The following BRINP3 variants were observed in gnomAD, a reference collection of about 807,000 sequenced individuals.
BRINP3 encodes BMP/retinoic acid inducible neural specific 3.
BRINP3 carries 19 observed loss-of-function variants against 71.0 expected under a neutral mutation model. The observed-to-expected ratio is 0.27, with a 90% CI of 0.19 to 0.39. The LOEUF is 0.39. BRINP3 is among the 10% of genes least tolerant of loss of function. BRINP3 has a pLI of 1.00. For missense variants in BRINP3, 959 were observed against 940.8 expected (o/e 1.02, Z -0.25); for synonymous variants, 380 against 337.7 (o/e 1.13, Z -1.37).
Position 190,294,315 on chromosome 1 carries a change from G to A in BRINP3, c.237-12565C>T, listed in dbSNP as rs111950338. On this transcript the variant is annotated intron_variant, in intron 2 of 7. Coordinates refer to ENST00000367462, the MANE Select transcript of BRINP3 (RefSeq NM_199051.3). ...ACTCTGTTGCCTAGACTAGTCTGCA[G>A]TTGCACAATCATGGCTCACTGCAGA... 3.5e-3 allele frequency among the ~76,000 whole-genome samples: 531 copies of A among 150,070 alleles called. 5 individuals are homozygous for A. Among genetic ancestry groups the A allele is most frequent in the African/African-American group, 0.012 (494 of 40,750 alleles).
At chr1:190,226,352 C>A in intron 5 of BRINP3, 34 bp from the exon 6 acceptor site, 7 of 1,305,586 alleles carry the variant, frequency 5.4e-6, no homozygotes, top group South Asian at 1.5e-5. Context: ...AACAAATTTA[C>A]TTTGTTAAAG....
intron 6 of BRINP3, among the ~76,000 whole-genome samples, 189 bp from the exon 7 acceptor site, chr1:190,161,079 T>TTCTTTTTAGATGCTTTAGAATTAC (rs1558022037): frequency 6.6e-6 from 1 of 151,918 alleles, no homozygotes; most frequent in African/African-American, 2.4e-5. Context: ...TTTAGAATTA[T>TTCTTTTTAGATGCTTTAGAATTAC]CTTCTTTGCT....
chr1:190,342,382 A>AAC (rs950392748), intron 2 of BRINP3: 1 of 151,106 alleles, frequency 6.6e-6, no homozygotes, highest in Non-Finnish European at 1.5e-5. Context: ...GTGCAAAAAA[A>AAC]AAAAAAAAAA....
chr1:190,290,436 G>A (rs556085698), intron 2 of BRINP3, among the ~76,000 whole-genome samples: 1 of 152,204 alleles, frequency 6.6e-6, no homozygotes, highest in African/African-American at 2.4e-5. Context: ...GAAGCACATT[G>A]ATATAGACAA....
intron 5 of BRINP3, among the ~76,000 whole-genome samples, chr1:190,231,640 A>C (rs951516449): frequency 2.0e-5 from 3 of 151,866 alleles, no homozygotes; most frequent in African/African-American, 7.2e-5. Context: ...TGCATTTGCC[A>C]ATATTTTCTT....
intron 2 of BRINP3, among the ~76,000 whole-genome samples, chr1:190,291,505 G>C (rs955919730): frequency 6.6e-6 from 1 of 152,002 alleles, no homozygotes; most frequent in Non-Finnish European, 1.5e-5. Context: ...GACCTGAATA[G>C]ATATTTCTCA....
chr1:190,382,933 C>A (rs1261878717), intron 2 of BRINP3, among the ~76,000 whole-genome samples: 2 of 152,022 alleles, frequency 1.3e-5, no homozygotes, highest in Non-Finnish European at 2.9e-5. Flanking sequence ...AGATCCAGCC[C>A]CATTCAAAAT....
intron 2 of BRINP3, among the ~76,000 whole-genome samples, chr1:190,328,734 AAAAT>A (rs1666772511): frequency 6.6e-6 from 1 of 151,814 alleles, no homozygotes; most frequent in South Asian, 2.1e-4. Flanking sequence ...AAAAAAAAAA[AAAAT>A]ACAGGCCAAT....
chr1:190,360,750 C>T (rs1191144289), intron 2 of BRINP3, among the ~76,000 whole-genome samples: 2 of 151,952 alleles, frequency 1.3e-5, no homozygotes, highest in Non-Finnish European at 2.9e-5. Flanking sequence ...TGTGTTTTTC[C>T]TGTTCTCAAA....
At chr1:190,384,950 C>G (rs570524525) in intron 2 of BRINP3, among the ~76,000 whole-genome samples, 1 of 151,614 alleles carries the variant, frequency 6.6e-6, no homozygotes, top group Non-Finnish European at 1.5e-5. Context: ...ACAAACCTGA[C>G]AAAAACAAGG....
At chr1:190,295,086 A>T (rs1664150010) in intron 2 of BRINP3, among the ~76,000 whole-genome samples, 1 of 152,032 alleles carries the variant, frequency 6.6e-6, no homozygotes, top group Non-Finnish European at 1.5e-5. Context: ...AGCCTCTTTG[A>T]CCAGCACAGT....
chr1:190,207,976 G>A (rs919207445), intron 6 of BRINP3, among the ~76,000 whole-genome samples: 3 of 151,956 alleles, frequency 2.0e-5, no homozygotes, highest in Non-Finnish European at 4.4e-5. Flanking sequence ...TTGTTTGCTT[G>A]TTTGAGACAG....
chr1:190,144,377 T>C (rs147528005), intron 7 of BRINP3, among the ~76,000 whole-genome samples: 2 of 152,068 alleles, frequency 1.3e-5, no homozygotes, highest in Non-Finnish European at 2.9e-5. Context: ...GAATTCATGA[T>C]AGCCCTGGAA....
At chr1:190,135,727 C>T (rs1654915407) in intron 7 of BRINP3, among the ~76,000 whole-genome samples, 2 of 151,950 alleles carry the variant, frequency 1.3e-5, no homozygotes, top group South Asian at 2.1e-4. Context: ...GGGTAGATTA[C>T]AAATTATAAA....
At chr1:190,194,486 C>T (rs1449659123) in intron 6 of BRINP3, among the ~76,000 whole-genome samples, 1 of 151,984 alleles carries the variant, frequency 6.6e-6, no homozygotes, top group African/African-American at 2.4e-5. Context: ...AATATTAATT[C>T]CATTTGAAAC....
At chr1:190,417,853 T>C (rs576881325) in intron 2 of BRINP3, among the ~76,000 whole-genome samples, 1 of 152,326 alleles carries the variant, frequency 6.6e-6, no homozygotes, top group African/African-American at 2.4e-5. Context: ...CCATTTTTAA[T>C]AACTTACAAA....
intron 6 of BRINP3, among the ~76,000 whole-genome samples, chr1:190,188,660 C>T (rs1288950623): frequency 6.6e-6 from 1 of 151,296 alleles, no homozygotes; most frequent in Non-Finnish European, 1.5e-5. Context: ...ACATTTATTG[C>T]TTTGTATTGT....
rs143074706 is a variant in BRINP3 at position 190,339,261 on chromosome 1, C to T, written c.237-57511G>A. 1.7e-3 allele frequency among the ~76,000 whole-genome samples: 260 copies of T among 151,992 alleles called. 12 individuals are homozygous for T. In the East Asian group the frequency reaches 0.042, roughly 24 times the overall value. Reference sequence around the variant, plus strand: ...AGCAGTAGCTGCACTGCAGATAGCTCTAAAGCTTCATTAAAATCAAGAATA... The same window carrying T: ...AGCAGTAGCTGCACTGCAGATAGCTTTAAAGCTTCATTAAAATCAAGAATA... On this transcript the variant is annotated intron_variant, in intron 2 of 7. Transcript: ENST00000367462.
chr1:190,163,461 G>A (rs951440349), intron 6 of BRINP3, among the ~76,000 whole-genome samples: 1 of 151,934 alleles, frequency 6.6e-6, no homozygotes. Flanking sequence ...TATCAAGTGA[G>A]TACTTTTCAT....
Sources: gnomAD v4.1 joint callset for allele counts (sites outside exome capture counted in the v4.1 genomes callset) on GRCh38, gnomAD v4.1.1 for gene constraint, MANE v1.5 for transcripts, NCBI Gene and HGNC (gene_info 2026-07-23, HGNC 2026-07-21) for gene names.